TASP1: variants seen among roughly 807,000 people sequenced by gnomAD.
TASP1 encodes threonine aspartase 1.
Under a neutral mutation model 56.6 loss-of-function variants are expected in TASP1, and 16 were observed. The ratio of observed to expected loss-of-function variants is 0.28; its 90% confidence interval spans 0.19 to 0.43. TASP1 has a LOEUF of 0.43. Among genes scored for constraint, TASP1 ranks in the 20% least tolerant of loss-of-function variants. The pLI is 1.00. For synonymous variants in TASP1, 179 were observed against 184.2 expected (o/e 0.97, Z 0.23); for missense variants, 393 against 511.6 (o/e 0.77, Z 2.24).
At chr20:13,366,428 T>C in the TASP1 span, among the ~76,000 whole-genome samples, 13 of 152,200 alleles carry the variant, frequency 8.5e-5, no homozygotes, top group Non-Finnish European at 1.6e-4. Context: ...AGAAAGCCTA[T>C]AATTCTAAAC....
chr20:13,384,612 G>T (rs186676583), downstream of TASP1, among the ~76,000 whole-genome samples: 1 of 152,260 alleles, frequency 6.6e-6, no homozygotes, highest in African/African-American at 2.4e-5. Context: ...GGGAGGGGTG[G>T]TGTGTTCCTT....
At chr20:13,445,209 G>A (rs2043362503) in intron 11 of TASP1, among the ~76,000 whole-genome samples, 1 of 152,128 alleles carries the variant, frequency 6.6e-6, no homozygotes, top group South Asian at 2.1e-4. Flanking sequence ...AAGATTAGCA[G>A]TAATAAACCA....
At chr20:13,593,577 A>G (rs546580729) in intron 4 of TASP1, among the ~76,000 whole-genome samples, 1 of 152,208 alleles carries the variant, frequency 6.6e-6, no homozygotes, top group South Asian at 2.1e-4. Context: ...CAGGTCCCAC[A>G]CCCATGGAGC....
At chr20:13,335,345 C>T in the TASP1 span, among the ~76,000 whole-genome samples, 1 of 151,810 alleles carries the variant, frequency 6.6e-6, no homozygotes, top group Non-Finnish European at 1.5e-5. Flanking sequence ...CACACACACA[C>T]ACACACACAC....
chr20:13,248,957 T>A, the TASP1 span, among the ~76,000 whole-genome samples: 1 of 152,216 alleles, frequency 6.6e-6, no homozygotes, highest in African/African-American at 2.4e-5. Flanking sequence ...TGTAACTTCT[T>A]AAGCGGCTTG....
chr20:13,159,902 A>G, the TASP1 span: 2 of 1,429,998 alleles, frequency 1.4e-6, no homozygotes, highest in Non-Finnish European at 9.3e-7. Flanking sequence ...AGAAAAAAGA[A>G]AAAAGAAAAA....
intron 1 of TASP1, among the ~76,000 whole-genome samples, chr20:13,632,251 T>C (rs1415589482): frequency 6.8e-6 from 1 of 147,426 alleles, no homozygotes; most frequent in Non-Finnish European, 1.5e-5. Context: ...TCCCAGCTAG[T>C]CGAGAGGCTG....
At chr20:13,502,712 T>G (rs568996848) in intron 10 of TASP1, among the ~76,000 whole-genome samples, 1 of 151,970 alleles carries the variant, frequency 6.6e-6, no homozygotes, top group Non-Finnish European at 1.5e-5. Context: ...TTAATCAGAG[T>G]GACATAAGCA....
the TASP1 span, among the ~76,000 whole-genome samples, chr20:13,170,706 G>C: frequency 1.3e-5 from 2 of 152,300 alleles, no homozygotes; most frequent in African/African-American, 2.4e-5. Context: ...GTTTATTCAA[G>C]ATCTTTCTTA....
the TASP1 span, among the ~76,000 whole-genome samples, chr20:13,329,551 GT>G: frequency 0.083 from 12,653 of 151,676 alleles, 1,132 homozygotes; most frequent in African/African-American, 0.22. Flanking sequence ...ATATGCTTTT[GT>G]TTTTTTTCAT....
At chr20:13,433,448 T>C (rs1371794480) in intron 12 of TASP1, among the ~76,000 whole-genome samples, 1 of 147,868 alleles carries the variant, frequency 6.8e-6, no homozygotes, top group Non-Finnish European at 1.5e-5. Flanking sequence ...TAACAAAACA[T>C]GACTGTTAAA....
At chr20:13,235,302 T>C in the TASP1 span, among the ~76,000 whole-genome samples, 1 of 152,224 alleles carries the variant, frequency 6.6e-6, no homozygotes, top group Admixed American at 6.5e-5. Context: ...CTGTTACCAT[T>C]TCATCAGCCA....
At chr20:13,560,598 C>T (rs1376405577) in intron 7 of TASP1, among the ~76,000 whole-genome samples, 1 of 152,036 alleles carries the variant, frequency 6.6e-6, no homozygotes, top group Non-Finnish European at 1.5e-5. Context: ...TACAGCAGAG[C>T]ATGAGACCGA....
At chr20:13,583,209 A>G (rs1198801188) in intron 5 of TASP1, among the ~76,000 whole-genome samples, 2 of 152,136 alleles carry the variant, frequency 1.3e-5, no homozygotes, top group African/African-American at 4.8e-5. Context: ...TATCCTGCCC[A>G]AGGGAGGTTT....
chr20:13,174,665 C>T, the TASP1 span, among the ~76,000 whole-genome samples: 2 of 150,948 alleles, frequency 1.3e-5, no homozygotes. Flanking sequence ...AGCCACTGTA[C>T]TCCAGCCTGG....
the TASP1 span, among the ~76,000 whole-genome samples, chr20:13,296,047 TG>T: frequency 6.6e-6 from 1 of 152,186 alleles, no homozygotes; most frequent in African/African-American, 2.4e-5. Flanking sequence ...TGGACACCCC[TG>T]GGGCTTTTTG....
the TASP1 span, among the ~76,000 whole-genome samples, chr20:13,228,550 T>A: frequency 4.6e-5 from 7 of 152,318 alleles, no homozygotes; most frequent in Admixed American, 2.6e-4. Flanking sequence ...GTGATTTTTT[T>A]AAAAACTTGA....
chr20:13,460,061 ACT>A (rs2043997194), intron 11 of TASP1, among the ~76,000 whole-genome samples: 1 of 152,026 alleles, frequency 6.6e-6, no homozygotes, highest in Non-Finnish European at 1.5e-5. Context: ...GTCTGTACTC[ACT>A]GTTTCCTATT....
At chr20:13,260,682 G>T in the TASP1 span, among the ~76,000 whole-genome samples, 1 of 151,728 alleles carries the variant, frequency 6.6e-6, no homozygotes, top group African/African-American at 2.4e-5. Flanking sequence ...GAGGAAGTCA[G>T]AGCTGAATAG....
Sources: allele counts gnomAD v4.1 joint callset (sites outside exome capture counted in the v4.1 genomes callset), GRCh38; gene constraint gnomAD v4.1.1; transcripts MANE v1.5; gene names NCBI Gene and HGNC (gene_info 2026-07-23, HGNC 2026-07-21).